Variants in TRIP12 observed in about 807,000 individuals in gnomAD.
TRIP12 encodes thyroid hormone receptor interactor 12, also known as E3 ubiquitin-protein ligase TRIP12.
In TRIP12, 25 loss-of-function variants were observed where a neutral mutation model predicts 244.2. The observed-to-expected ratio is 0.10, with a 90% CI of 0.07 to 0.14. The LOEUF (loss-of-function observed/expected upper bound fraction) is 0.14. Among genes scored for constraint, TRIP12 ranks in the 10% least tolerant of loss-of-function variants. TRIP12 has a pLI of 1.00. For missense variants in TRIP12, 1,677 were observed against 2,486.4 expected, an observed-to-expected ratio of 0.67 and a Z score of 6.92; for synonymous variants, 905 against 873.1, an observed-to-expected ratio of 1.04 and a Z score of -0.64.
intron 1 of TRIP12, among the ~76,000 whole-genome samples, chr2:229,903,680 C>A (rs1286415470): frequency 6.6e-6 from 1 of 151,906 alleles, no homozygotes; most frequent in Admixed American, 6.6e-5. Flanking sequence ...GCAAGATACT[C>A]CAAGGTAATA....
intron 15 of TRIP12, among the ~76,000 whole-genome samples, chr2:229,809,690 G>C (rs1010291651): frequency 6.6e-6 from 1 of 152,164 alleles, no homozygotes; most frequent in African/African-American, 2.4e-5. Flanking sequence ...TTTAGGGAAA[G>C]AGCACTTTCT....
chr2:229,863,866 A>C (rs750296655), intron 2 of TRIP12, among the ~76,000 whole-genome samples: 1 of 152,228 alleles, frequency 6.6e-6, no homozygotes, highest in East Asian at 1.9e-4. Flanking sequence ...AAAAAGCATA[A>C]TCTTTTTAAA....
rs752283040 is a variant in TRIP12 at position 229,791,223 on chromosome 2, T to C, written c.4444A>G (p.Ser1482Gly). The C allele has an allele frequency of 1.2e-6, 2 of 1,614,126 alleles. No individual in the cohort carries two copies. Among genetic ancestry groups the C allele is most frequent in the Non-Finnish European group, 1.7e-6 (2 of 1,179,978 alleles). Residue 1482 changes from serine to glycine, a missense_variant, in exon 30 of 42, where the codon AGT becomes GGT. By Grantham distance (56) the Ser-to-Gly change is moderately conservative. This residue lies in a region of TRIP12 where 265 missense variants were observed against 370.8 expected (regional missense o/e 0.71). Coordinates refer to ENST00000675903, the MANE Select transcript of TRIP12 (RefSeq NM_001348323.3). ...TTACCACCAACACAATCTTTATTAC[T>C]TTCTTCATCCTCTCTCACAGGTTTA... Reference protein sequence around the residue: ...WYKPVREDEESNKDCVGGKRG... With the variant: ...WYKPVREDEEGNKDCVGGKRG...
chr2:229,850,874 G>A (rs1019990271), intron 4 of TRIP12, among the ~76,000 whole-genome samples: 1 of 152,250 alleles, frequency 6.6e-6, no homozygotes, highest in African/African-American at 2.4e-5. Flanking sequence ...AGCGGCTGCG[G>A]AGAGTGTACT....
At chr2:229,906,170 T>C (rs181533501) in intron 1 of TRIP12, among the ~76,000 whole-genome samples, 2 of 151,702 alleles carry the variant, frequency 1.3e-5, no homozygotes, top group Non-Finnish European at 2.9e-5. Context: ...CTGGGCATAG[T>C]GGCACACGCC....
intron 38 of TRIP12, 140 bp from the exon 39 acceptor site, chr2:229,771,772 G>A: frequency 1.7e-6 from 1 of 578,274 alleles, no homozygotes; most frequent in Non-Finnish European, 3.0e-6. Flanking sequence ...AAAATAATCT[G>A]CTAGAAAACT....
chr2:229,858,937 T>C lies in TRIP12; in HGVS notation c.862A>G (p.Ser288Gly). Reference protein sequence around the residue: ...SASSPSPRRSSREKEQSKTGG... With the variant: ...SASSPSPRRSGREKEQSKTGG... ...GTTTTACTCTGTTCCTTTTCCCTGC[T>C]ACTTCTTCTGGGGCTGGGACTGGAC... Residue 288 changes from serine to glycine, a missense_variant, in exon 4 of 42, where the codon AGC (serine) becomes GGC (glycine). Ser to Gly is a moderately conservative substitution (Grantham distance 56). Around this residue, in one of 11 missense-constraint regions of TRIP12, gnomAD observed 387 missense variants for 392.6 expected, o/e 0.99. Transcript: ENST00000675903. The C allele has an allele frequency of 6.2e-7, 1 of 1,614,226 alleles. No homozygotes were observed. Among genetic ancestry groups the C allele is most frequent in the Non-Finnish European group, 8.5e-7 (1 of 1,180,042 alleles).
At chr2:229,910,447 C>T (rs1264597459) in intron 1 of TRIP12, among the ~76,000 whole-genome samples, 1 of 152,076 alleles carries the variant, frequency 6.6e-6, no homozygotes, top group East Asian at 1.9e-4. Context: ...TCTGGTATTC[C>T]AGCAAACATA....
intron 1 of TRIP12, among the ~76,000 whole-genome samples, chr2:229,912,883 T>G (rs776536219): frequency 5.5e-4 from 83 of 152,178 alleles, no homozygotes; most frequent in Non-Finnish European, 8.8e-5. Flanking sequence ...TTGTTTTTGT[T>G]TTTTGAGACA....
At chr2:229,794,366 A>T (rs1486876082) in intron 26 of TRIP12, among the ~76,000 whole-genome samples, 1 of 152,168 alleles carries the variant, frequency 6.6e-6, no homozygotes, top group Non-Finnish European at 1.5e-5. Context: ...CAAGAGTTTG[A>T]GACCAGCCTG....
chr2:229,851,192 G>C (rs1304990823), intron 4 of TRIP12, among the ~76,000 whole-genome samples: 1 of 152,196 alleles, frequency 6.6e-6, no homozygotes, highest in African/African-American at 2.4e-5. Context: ...AGTCTGGTGG[G>C]GACGTGGAGA....
At chr2:229,787,711 T>A (rs1475609940) in intron 32 of TRIP12, 50 bp from the exon 33 acceptor site, 1 of 1,437,830 alleles carries the variant, frequency 7.0e-7, no homozygotes, top group Non-Finnish European at 9.2e-7. Flanking sequence ...AATCAGAAAC[T>A]ACTAAAAAAA....
At position 229,884,236 on chromosome 2, in the gene TRIP12, C is replaced by CTTTTTT. The variant is rs200052292; in HGVS notation, c.-49-4114_-49-4109dup. Among the ~76,000 whole-genome samples the CTTTTTT allele has an allele frequency of 1.2e-3, 150 of 123,480 alleles. 1 individual carries two copies. The highest frequency in any genetic ancestry group is 2.3e-3 in the East Asian group (10 of 4,320). 81.0% of individuals were successfully genotyped at this position (123,480 alleles called of 152,430 possible). ...AAAAACATTTTGCAATTTTTCTTTT[C>CTTTTTT]TTTTTTTTTTTTTTTTTTGAGACAG... On this transcript the variant is annotated intron_variant, in intron 1 of 41. Transcript: ENST00000675903.
chr2:229,778,733 T>C lies in TRIP12; in HGVS notation c.5209+143A>G, dbSNP rs2037116520. 1.5e-6 allele frequency: 2 copies of C among 1,336,088 alleles called. No individual in the cohort carries two copies. Among genetic ancestry groups the C allele is most frequent in the East Asian group, 4.6e-5 (2 of 43,378 alleles). The allele number at this position is 1,336,088 out of a possible 1,614,324, so 82.8% of individuals were successfully genotyped here. A position where few individuals can be genotyped will look rare whatever the true frequency, so the allele number is the denominator to read the frequency against. ...AAGTCCTCTAGAACTGGACAGGCCT[T>C]CCCTATTTGATAAATGAGAAAACAG... is the stretch of plus-strand genomic sequence containing the variant. On this transcript the variant is annotated intron_variant, in intron 35 of 41. Transcript: ENST00000675903. The surrounding 1 kb of genome is among the most constrained non-coding windows in gnomAD (Gnocchi z 4.1).
intron 31 of TRIP12, 139 bp from the exon 32 acceptor site, chr2:229,789,079 C>G: frequency 1.3e-6 from 1 of 746,160 alleles, no homozygotes; most frequent in Non-Finnish European, 2.1e-6. Context: ...CACACAGCCT[C>G]TCATTACTGT....
chr2:229,878,008 T>C (rs1375362438), intron 2 of TRIP12, among the ~76,000 whole-genome samples: 1 of 152,208 alleles, frequency 6.6e-6, no homozygotes, highest in Admixed American at 6.5e-5. Flanking sequence ...CTCTATATAC[T>C]AAGTATAAGT....
At chr2:229,867,586 C>T (rs1357790414) in intron 2 of TRIP12, among the ~76,000 whole-genome samples, 1 of 152,066 alleles carries the variant, frequency 6.6e-6, no homozygotes, top group East Asian at 1.9e-4. Flanking sequence ...AGAAAACAGC[C>T]TTCCAAATGT....
At chr2:229,828,494 G>T (rs485775) in intron 8 of TRIP12, among the ~76,000 whole-genome samples, 3 of 152,144 alleles carry the variant, frequency 2.0e-5, no homozygotes, top group Non-Finnish European at 4.4e-5. Flanking sequence ...GAAACAGGCC[G>T]GGCACAGTGG....
intron 4 of TRIP12, among the ~76,000 whole-genome samples, chr2:229,855,993 G>A (rs552100749): frequency 3.1e-4 from 47 of 149,268 alleles, no homozygotes; most frequent in Non-Finnish European, 6.1e-4. Context: ...AGCCAACTGC[G>A]CCACTACACA....
Sources: allele counts gnomAD v4.1 joint callset (sites outside exome capture counted in the v4.1 genomes callset), GRCh38; gene constraint gnomAD v4.1.1; regional missense constraint gnomAD v4.1.1; non-coding constraint Gnocchi (gnomAD v3.1); transcripts MANE v1.5; gene names NCBI Gene and HGNC (gene_info 2026-07-23, HGNC 2026-07-21).